The following FSD1L variants were observed in gnomAD, a reference collection of about 807,000 sequenced individuals.
FSD1L encodes the protein FSD1-like protein.
In FSD1L, 45 loss-of-function variants were observed where a neutral mutation model predicts 71.6. The ratio of observed to expected loss-of-function variants is 0.63; its 90% CI spans 0.49 to 0.81. The LOEUF (loss-of-function observed/expected upper bound fraction) is 0.81. Among genes scored for constraint, FSD1L ranks in the 30% least tolerant of loss-of-function variants. The pLI is 0.00. For synonymous variants in FSD1L, 197 were observed against 207.2 expected, an observed-to-expected ratio of 0.95 and a Z score of 0.42; for missense variants, 561 against 618.1, an observed-to-expected ratio of 0.91 and a Z score of 0.98.
chr9:105,539,970 G>A (rs1429288196), intron 13 of FSD1L, among the ~76,000 whole-genome samples: 2 of 152,032 alleles, frequency 1.3e-5, no homozygotes, highest in African/African-American at 4.8e-5. Flanking sequence ...CATATCTTTT[G>A]ATAAATGTAT....
At position 105,539,344 on chromosome 9, in the gene FSD1L, G is replaced by A; in HGVS notation, c.1460G>A (p.Gly487Asp). The A allele has an allele frequency of 7.0e-7, 1 of 1,429,870 alleles. No individual in the cohort carries two copies. The highest frequency in any genetic ancestry group is 9.5e-7 in the Non-Finnish European group (1 of 1,056,112). 88.6% of individuals were successfully genotyped at this position (1,429,870 alleles called of 1,614,324 possible). A position where few individuals can be genotyped will look rare whatever the true frequency, so the allele number is the denominator to read the frequency against. ...AAATTTACTCAGCCAGTACTACCTG[G>A]TTTCATGGTTAGTATGTTTTATATC... ...KTKFTQPVLPGFMVWCGGLSL... is the reference protein window; with the variant it reads ...KTKFTQPVLPDFMVWCGGLSL... Residue 487 changes from glycine (G) to aspartate (D), a missense_variant, in exon 13 of 14, where the codon GGT becomes GAT. Gly to Asp is a moderately conservative substitution (Grantham distance 94). Around this residue, in one of 3 missense-constraint regions of FSD1L, gnomAD observed 98 missense variants for 102.3 expected, o/e 0.96. Transcript: ENST00000481272.
chr9:105,452,414 G>A (rs1478039012), intron 1 of FSD1L, among the ~76,000 whole-genome samples: 2 of 152,190 alleles, frequency 1.3e-5, no homozygotes, highest in Non-Finnish European at 2.9e-5. Context: ...GAGGTTAAGT[G>A]TCTTGTTCAC....
intron 1 of FSD1L, among the ~76,000 whole-genome samples, chr9:105,454,738 G>A (rs1830261573): frequency 2.0e-5 from 3 of 152,164 alleles, no homozygotes; most frequent in Admixed American, 6.5e-5. Context: ...CTAGATGGGA[G>A]ATTACCTCCT....
upstream of FSD1L, chr9:105,447,958 G>C (rs914146716): frequency 2.8e-5 from 15 of 533,724 alleles, no homozygotes; most frequent in South Asian, 3.0e-4. Flanking sequence ...CACCCTCCAC[G>C]GCTACTTCCC....
At chr9:105,481,165 GTGTGTGTGTGT>G (rs1832154669) in intron 6 of FSD1L, among the ~76,000 whole-genome samples, 1 of 134,786 alleles carries the variant, frequency 7.4e-6, no homozygotes, top group Non-Finnish European at 1.6e-5. Context: ...GTGTGTGTGT[GTGTGTGTGTGT>G]GTGGTTCTTT....
rs1347660939 is a variant in FSD1L at position 105,550,150 on chromosome 9, T to C, written c.*3667T>C. The C allele has an allele frequency of 2.0e-5, 3 of 152,024 alleles. No homozygotes were observed. Among genetic ancestry groups the C allele is most frequent in the Admixed American group, 6.6e-5 (1 of 15,256 alleles). The allele number at this position is 152,024 out of a possible 1,614,324, so 9.4% of individuals were successfully genotyped here. On this transcript the variant is annotated 3_prime_UTR_variant, in exon 14 of 14. Transcript: ENST00000481272. ...CCAGTGAAGTTTGATGGACTGTGCATAGAGTTTTGCAGCTTTTGAGTAGTG... is the reference window on the plus strand; with the variant it reads ...CCAGTGAAGTTTGATGGACTGTGCACAGAGTTTTGCAGCTTTTGAGTAGTG...
intron 7 of FSD1L, among the ~76,000 whole-genome samples, chr9:105,501,562 A>G (rs1408705184): frequency 2.0e-5 from 3 of 151,572 alleles, no homozygotes; most frequent in Admixed American, 1.3e-4. Flanking sequence ...TGCTAGGACT[A>G]CAGGTGCATG....
chr9:105,457,638 T>TC (rs1268230456), intron 1 of FSD1L, among the ~76,000 whole-genome samples: 5 of 152,256 alleles, frequency 3.3e-5, no homozygotes, highest in African/African-American at 9.6e-5. Context: ...TGGCAGTGTC[T>TC]CTCCTTGAGT....
chr9:105,444,587 T>G (rs748181819), upstream of FSD1L, among the ~76,000 whole-genome samples: 11 of 152,206 alleles, frequency 7.2e-5, no homozygotes, highest in Non-Finnish European at 1.5e-4. Flanking sequence ...AACCTGGTTC[T>G]GGGAGAGACA....
At chr9:105,504,414 A>G (rs1833935989) in intron 7 of FSD1L, among the ~76,000 whole-genome samples, 1 of 152,218 alleles carries the variant, frequency 6.6e-6, no homozygotes, top group South Asian at 2.1e-4. Flanking sequence ...AACTTTGGGA[A>G]GACTCTAGTT....
At chr9:105,447,186 G>A (rs1432957148), upstream of FSD1L, among the ~76,000 whole-genome samples, 1 of 151,750 alleles carries the variant, frequency 6.6e-6, no homozygotes, top group Non-Finnish European at 1.5e-5. Flanking sequence ...TTAGCCAGGT[G>A]TGGTGGGGGC....
At chr9:105,513,636 T>C (rs1272489725) in intron 10 of FSD1L, 5 of 1,530,518 alleles carry the variant, frequency 3.3e-6, no homozygotes, top group Non-Finnish European at 4.4e-6. Flanking sequence ...TACAAGGTGA[T>C]GATCTATGTC....
Position 105,534,522 on chromosome 9 carries a change from C to T in FSD1L, c.1055C>T (p.Ser352Phe), listed in dbSNP as rs950951174. The change falls in exon 11 of 14, where the codon TCT (serine) becomes TTT (phenylalanine). Residue 352 changes from serine to phenylalanine, a missense_variant. Transcript: ENST00000481272. Reference protein sequence around the residue: ...RSGTPSPKRTSVGSRPPAVRG... With the variant: ...RSGTPSPKRTFVGSRPPAVRG... ...GGTACACCATCCCCAAAACGAACAT[C>T]TGTAGGCTCCAGGCCACCAGCAGTA... The T allele has an allele frequency of 7.1e-6, 11 of 1,550,354 alleles. No homozygotes were observed. The African/African-American group carries it at 1.2e-4, about 17-fold the overall frequency.
At chr9:105,502,841 C>T (rs1431876061) in intron 7 of FSD1L, among the ~76,000 whole-genome samples, 1 of 150,620 alleles carries the variant, frequency 6.6e-6, no homozygotes, top group Non-Finnish European at 1.5e-5. Context: ...AAAAAGAAAC[C>T]TTTTTCTGGA....
intron 7 of FSD1L, among the ~76,000 whole-genome samples, chr9:105,502,635 A>G (rs114505456): frequency 5.3e-4 from 81 of 152,260 alleles, no homozygotes; most frequent in African/African-American, 1.8e-3. Flanking sequence ...CAGAGAGTGC[A>G]CATACACATA....
chr9:105,524,968 G>A (rs1835416263), intron 10 of FSD1L: 2 of 1,611,176 alleles, frequency 1.2e-6, no homozygotes, highest in Admixed American at 1.7e-5. Context: ...CCTGTATCCA[G>A]ATCAGATCAG....
intron 7 of FSD1L, among the ~76,000 whole-genome samples, chr9:105,489,815 T>A (rs1184369864): frequency 1.3e-5 from 2 of 152,184 alleles, no homozygotes; most frequent in African/African-American, 4.8e-5. Context: ...TTCATCCACG[T>A]CCCTACAAAG....
intron 6 of FSD1L, among the ~76,000 whole-genome samples, chr9:105,481,190 T>G: frequency 1.5e-5 from 2 of 136,136 alleles, no homozygotes; most frequent in Admixed American, 1.6e-4. Context: ...GTTCTTTTTT[T>G]TTTTTTTTTT....
upstream of FSD1L, among the ~76,000 whole-genome samples, chr9:105,443,876 T>C (rs1829586288): frequency 1.3e-5 from 2 of 152,242 alleles, no homozygotes; most frequent in Non-Finnish European, 2.9e-5. Context: ...ATGAATTATA[T>C]GATTTACCAC....
Sources: allele counts gnomAD v4.1 joint callset (sites outside exome capture counted in the v4.1 genomes callset), GRCh38; gene constraint gnomAD v4.1.1; regional missense constraint gnomAD v4.1.1; transcripts MANE v1.5; gene names NCBI Gene and HGNC (gene_info 2026-07-23, HGNC 2026-07-21).